Variants in ARHGAP31 observed in about 807,000 individuals in gnomAD.
The protein encoded by ARHGAP31 is rho GTPase-activating protein 31.
In ARHGAP31, 34 loss-of-function variants were observed where a neutral mutation model predicts 113.9. The ratio of observed to expected loss-of-function variants is 0.30; its 90% CI spans 0.23 to 0.40. ARHGAP31 has a LOEUF of 0.40. ARHGAP31 is among the 10% of genes least tolerant of loss of function. ARHGAP31 has a pLI of 1.00. For synonymous variants in ARHGAP31, 650 were observed against 684.8 expected, an observed-to-expected ratio of 0.95 and a Z score of 0.79; for missense variants, 1,548 against 1,767.1, an observed-to-expected ratio of 0.88 and a Z score of 2.22.
At chr3:119,354,476 TTGTGTGTGTGTG>T (rs5852200) in intron 1 of ARHGAP31, among the ~76,000 whole-genome samples, 1 of 147,950 alleles carries the variant, frequency 6.8e-6, no homozygotes, top group South Asian at 2.2e-4. Flanking sequence ...TGTGTGTGGT[TTGTGTGTGTGTG>T]TGTGTGTGTG....
chr3:119,299,658 G>T (rs1392082310), intron 1 of ARHGAP31, among the ~76,000 whole-genome samples: 2 of 151,792 alleles, frequency 1.3e-5, no homozygotes, highest in Non-Finnish European at 2.9e-5. Flanking sequence ...AGATACTGTG[G>T]AAAAAAAAGA....
chr3:119,384,287 A>T (rs1008530408), intron 6 of ARHGAP31, among the ~76,000 whole-genome samples: 1 of 152,198 alleles, frequency 6.6e-6, no homozygotes, highest in Non-Finnish European at 1.5e-5. Context: ...CGTACAATTC[A>T]TCATTTTAAC....
intron 4 of ARHGAP31, among the ~76,000 whole-genome samples, chr3:119,381,997 A>G (rs1235862510): frequency 6.6e-6 from 1 of 151,334 alleles, no homozygotes; most frequent in Non-Finnish European, 1.5e-5. Flanking sequence ...AAAAAAAAAA[A>G]AAAAAAAAAA....
intron 11 of ARHGAP31, among the ~76,000 whole-genome samples, 174 bp from the exon 12 acceptor site, chr3:119,413,682 T>G (rs1284008963): frequency 6.6e-6 from 1 of 152,178 alleles, no homozygotes; most frequent in Non-Finnish European, 1.5e-5. Flanking sequence ...AGCTAAAGTA[T>G]GTGATGGTGC....
intron 1 of ARHGAP31, among the ~76,000 whole-genome samples, chr3:119,310,113 A>T (rs1275802747): frequency 6.6e-6 from 1 of 152,162 alleles, no homozygotes; most frequent in Non-Finnish European, 1.5e-5. Context: ...TCCCTTTCTA[A>T]ATTATCCTCC....
Position 119,310,374 on chromosome 3 carries a change from T to C in ARHGAP31, c.100+15370T>C, listed in dbSNP as rs2079669096. Among the ~76,000 whole-genome samples, 3 of 152,284 alleles carry C rather than the reference T, an allele frequency of 2.0e-5. No individual in the cohort carries two copies. The South Asian group carries it at 6.2e-4, about 32-fold the overall frequency. On this transcript the variant is annotated intron_variant, in intron 1 of 11. Transcript: ENST00000264245. The stretch of plus-strand genomic sequence containing the variant: ...CAGAACAGATTCTTAACCAAGTGAT[T>C]CACCCTTCAGGGAGTTCTTGCCTTG...
At chr3:119,352,454 A>C (rs1453916480) in intron 1 of ARHGAP31, among the ~76,000 whole-genome samples, 1 of 152,232 alleles carries the variant, frequency 6.6e-6, no homozygotes, top group Non-Finnish European at 1.5e-5. Context: ...CCTTTCCTAA[A>C]GAAATTTCAG....
chr3:119,332,170 T>C (rs2079897008), intron 1 of ARHGAP31, among the ~76,000 whole-genome samples: 1 of 152,090 alleles, frequency 6.6e-6, no homozygotes, highest in South Asian at 2.1e-4. Context: ...TTAGGTCCTC[T>C]GGATTCCCTT....
At chr3:119,317,395 G>A (rs958426210) in intron 1 of ARHGAP31, among the ~76,000 whole-genome samples, 1 of 152,094 alleles carries the variant, frequency 6.6e-6, no homozygotes. Flanking sequence ...AGCCAGGATG[G>A]TCTCGATCTC....
At chr3:119,369,074 A>T (rs978958225) in intron 3 of ARHGAP31, among the ~76,000 whole-genome samples, 14 of 152,198 alleles carry the variant, frequency 9.2e-5, no homozygotes, top group African/African-American at 3.4e-4. Flanking sequence ...GGTGGAGAGG[A>T]TGGATGGGCA....
intron 1 of ARHGAP31, among the ~76,000 whole-genome samples, chr3:119,327,357 G>T (rs1158895267): frequency 6.6e-6 from 1 of 151,430 alleles, no homozygotes; most frequent in Non-Finnish European, 1.5e-5. Context: ...CAGCCTGGCC[G>T]ACATGGTGAA....
intron 1 of ARHGAP31, among the ~76,000 whole-genome samples, chr3:119,320,355 G>A (rs1278975890): frequency 6.6e-6 from 1 of 152,140 alleles, no homozygotes; most frequent in Non-Finnish European, 1.5e-5. Context: ...CCCCAAATAA[G>A]GGGCTACATG....
intron 3 of ARHGAP31, among the ~76,000 whole-genome samples, chr3:119,375,302 C>G (rs754612218): frequency 2.0e-5 from 3 of 152,148 alleles, no homozygotes. Flanking sequence ...GAGGAAAAGC[C>G]GTTCCTTGCT....
At chr3:119,368,986 G>A (rs969301417) in intron 3 of ARHGAP31, among the ~76,000 whole-genome samples, 2 of 152,088 alleles carry the variant, frequency 1.3e-5, no homozygotes, top group African/African-American at 4.8e-5. Context: ...ATGTCAAGAG[G>A]TGTCAGAAAG....
rs756647176 is a variant in ARHGAP31, at chr3:119,415,455, C to A, written c.3526C>A (p.Arg1176Ser). 13 of 1,614,034 alleles carry A rather than the reference C, an allele frequency of 8.1e-6. No individual in the cohort carries two copies. Among genetic ancestry groups the A allele is most frequent in the Non-Finnish European group, 1.1e-5 (13 of 1,180,032 alleles). Residue 1176 changes from arginine (R) to serine (S), a missense_variant, in exon 12 of 12, where the codon CGT becomes AGT. By Grantham distance (110) the Arg-to-Ser change is moderately radical (BLOSUM62 -1). Transcript: ENST00000264245. ...DIVAHALTGR[R>S]NSAPVSVSAV... ...TGTTGCTCATGCACTGACAGGCCGC[C>A]GTAACTCAGCTCCTGTGAGTGTGTC...
intron 11 of ARHGAP31, among the ~76,000 whole-genome samples, chr3:119,410,969 C>T (rs191945423): frequency 2.0e-5 from 3 of 152,304 alleles, no homozygotes; most frequent in African/African-American, 4.8e-5. Flanking sequence ...GAAAGCTTCT[C>T]TGTAGAGTGC....
chr3:119,363,192 C>T (rs1004781983), intron 1 of ARHGAP31, among the ~76,000 whole-genome samples: 2 of 152,032 alleles, frequency 1.3e-5, no homozygotes, highest in South Asian at 4.2e-4. Context: ...CGTCATTGTT[C>T]ACAACAGGGA....
intron 10 of ARHGAP31, among the ~76,000 whole-genome samples, chr3:119,405,645 G>A (rs980261262): frequency 6.6e-6 from 1 of 152,152 alleles, no homozygotes; most frequent in African/African-American, 2.4e-5. Context: ...GGGTGGGGGA[G>A]GTTCTAGCTC....
In ARHGAP31 at chr3:119,348,862, A is replaced by G. The variant is rs1212308561; in HGVS notation, c.101-16454A>G. On this transcript the variant is annotated intron_variant, in intron 1 of 11. Coordinates refer to ENST00000264245, the MANE Select transcript of ARHGAP31 (RefSeq NM_020754.4). Reference sequence around the variant, plus strand: ...TCTGACTGTATATCTGGTGAAAATTACTTCTAAAGACAGTGCTGAGAGCAG... The same window carrying G: ...TCTGACTGTATATCTGGTGAAAATTGCTTCTAAAGACAGTGCTGAGAGCAG... Among the ~76,000 whole-genome samples, 3 of 152,292 alleles carry G rather than the reference A, an allele frequency of 2.0e-5. No individual in the cohort carries two copies. The East Asian group carries it at 5.8e-4, about 29-fold the overall frequency.
Sources: gnomAD v4.1 joint callset for allele counts (sites outside exome capture counted in the v4.1 genomes callset) on GRCh38, gnomAD v4.1.1 for gene constraint, MANE v1.5 for transcripts, NCBI Gene and HGNC (gene_info 2026-07-23, HGNC 2026-07-21) for gene names.